The following SPA17 variants were observed in gnomAD, a reference collection of about 807,000 sequenced individuals.
The protein encoded by SPA17 is sperm autoantigenic protein 17.
A neutral mutation model predicts 13.8 loss-of-function variants in SPA17; 7 were observed. The ratio of observed to expected loss-of-function variants is 0.51; its 90% CI spans 0.29 to 0.95. The LOEUF (loss-of-function observed/expected upper bound fraction) is 0.95. Ranked by LOEUF, SPA17 falls within the 40% of genes least tolerant of loss-of-function variation. The pLI is 0.08. For missense variants in SPA17, 170 were observed against 179.3 expected (o/e 0.95, Z 0.30); for synonymous variants, 61 against 59.0 (o/e 1.03, Z -0.16).
At chr11:124,691,818 C>T in intron 4 of SPA17, 36 bp downstream of exon 4, 1 of 1,419,004 alleles carries the variant, frequency 7.0e-7, no homozygotes, top group Admixed American at 1.9e-5. Context: ...TGGATTCCTA[C>T]AAAGAATGAT....
intron 3 of SPA17, among the ~76,000 whole-genome samples, chr11:124,685,229 G>C (rs931393297): frequency 1.1e-4 from 17 of 152,266 alleles, no homozygotes; most frequent in African/African-American, 4.1e-4. Context: ...ATGGTGACCT[G>C]TGTCCCAGCT....
chr11:124,674,085 G>T, intron 1 of SPA17, 133 bp downstream of exon 1: 1 of 253,512 alleles, frequency 3.9e-6, no homozygotes, highest in Non-Finnish European at 7.7e-6. Flanking sequence ...CCCATTCTGC[G>T]CGAGTCTGAA....
chr11:124,686,760 A>G (rs1210172209), intron 3 of SPA17, among the ~76,000 whole-genome samples: 1 of 152,238 alleles, frequency 6.6e-6, no homozygotes, highest in Non-Finnish European at 1.5e-5. Context: ...TGAAAACTGG[A>G]AACACAACAT....
intron 4 of SPA17, among the ~76,000 whole-genome samples, chr11:124,693,112 A>G (rs1283400428): frequency 1.3e-5 from 2 of 152,162 alleles, no homozygotes; most frequent in African/African-American, 2.4e-5. Flanking sequence ...GTGCTTTTAC[A>G]CAGGTTTTCA....
At chr11:124,675,090 G>A in intron 1 of SPA17, 148 bp from the exon 2 acceptor site, 1 of 698,732 alleles carries the variant, frequency 1.4e-6, no homozygotes, top group Non-Finnish European at 2.2e-6. Flanking sequence ...AAAACTCTTT[G>A]GAAGAAATGG....
chr11:124,686,947 A>G (rs539964473), intron 3 of SPA17, among the ~76,000 whole-genome samples: 3 of 152,268 alleles, frequency 2.0e-5, no homozygotes, highest in Non-Finnish European at 4.4e-5. Flanking sequence ...TCAGAGCAAA[A>G]CTAAATTAAA....
chr11:124,682,379 G>A (rs946184491), intron 3 of SPA17, among the ~76,000 whole-genome samples: 1 of 152,028 alleles, frequency 6.6e-6, no homozygotes, highest in Non-Finnish European at 1.5e-5. Flanking sequence ...TCCACTAATA[G>A]ATCATAACCA....
chr11:124,687,107 A>C (rs984491291), intron 3 of SPA17, among the ~76,000 whole-genome samples: 1 of 152,190 alleles, frequency 6.6e-6, no homozygotes, highest in Non-Finnish European at 1.5e-5. Flanking sequence ...AAGACGTTAC[A>C]ACTGATAGCA....
At chr11:124,680,941 C>T (rs978426132) in intron 2 of SPA17, among the ~76,000 whole-genome samples, 3 of 151,864 alleles carry the variant, frequency 2.0e-5, no homozygotes, top group African/African-American at 7.3e-5. Flanking sequence ...AATACCTCTG[C>T]TTGTCTGTGT....
chr11:124,691,742 A>G lies in SPA17; in HGVS notation c.272A>G (p.Gln91Arg). 1 of 1,612,500 alleles carries G rather than the reference A, an allele frequency of 6.2e-7. No homozygotes were observed. Among genetic ancestry groups the G allele is most frequent in the Non-Finnish European group, 8.5e-7 (1 of 1,179,382 alleles). ...AGTGATCCTAAACAAGAAGAGTCTC[A>G]GATATCTGGGAAGGAGGAAGAGACA... ...EKSDPKQEES[Q>R]ISGKEEETSV... The change falls in exon 4 of 5, where the codon CAG becomes CGG. Residue 91 changes from glutamine (Q) to arginine (R), a missense_variant. By Grantham distance (43) the Gln-to-Arg change is conservative. Transcript: ENST00000227135.
intron 2 of SPA17, among the ~76,000 whole-genome samples, chr11:124,681,077 T>A (rs1329292968): frequency 6.6e-6 from 1 of 152,138 alleles, no homozygotes; most frequent in South Asian, 2.1e-4. Flanking sequence ...GTTCTAAGTG[T>A]CTACATTTAT....
intron 3 of SPA17, among the ~76,000 whole-genome samples, chr11:124,690,007 G>A (rs964661804): frequency 2.0e-5 from 3 of 152,256 alleles, no homozygotes; most frequent in East Asian, 1.9e-4. Context: ...CTTATACACT[G>A]TTGTCAGGAA....
chr11:124,682,773 C>T (rs949722011), intron 3 of SPA17, among the ~76,000 whole-genome samples: 2 of 151,872 alleles, frequency 1.3e-5, no homozygotes, highest in Non-Finnish European at 2.9e-5. Flanking sequence ...TATTGGTATC[C>T]GCAAGGACAA....
intron 3 of SPA17, among the ~76,000 whole-genome samples, chr11:124,683,005 G>C (rs1231946677): frequency 6.6e-6 from 1 of 152,050 alleles, no homozygotes; most frequent in Non-Finnish European, 1.5e-5. Context: ...CATCAACTGT[G>C]AGGGAAACCC....
chr11:124,674,022 T>G, intron 1 of SPA17, 70 bp downstream of exon 1: 1 of 362,254 alleles, frequency 2.8e-6, no homozygotes, highest in Non-Finnish European at 5.1e-6. Context: ...TCTTATTCTC[T>G]CAGCATCCCA....
chr11:124,678,704 C>T (rs567126394), intron 2 of SPA17, among the ~76,000 whole-genome samples: 1 of 152,090 alleles, frequency 6.6e-6, no homozygotes, highest in African/African-American at 2.4e-5. Flanking sequence ...TGCACAAACA[C>T]GCTGGGCTAA....
chr11:124,683,808 C>G (rs1024922995), intron 3 of SPA17, among the ~76,000 whole-genome samples: 1 of 152,112 alleles, frequency 6.6e-6, no homozygotes, highest in African/African-American at 2.4e-5. Context: ...ACACACCCAG[C>G]ACTGGAGCAA....
intron 3 of SPA17, among the ~76,000 whole-genome samples, chr11:124,688,761 G>A (rs1943598057): frequency 6.6e-6 from 1 of 152,130 alleles, no homozygotes; most frequent in East Asian, 1.9e-4. Context: ...CCAAAAAAGA[G>A]TCCAAATAGC....
At chr11:124,684,380 G>T (rs2134413218) in intron 3 of SPA17, among the ~76,000 whole-genome samples, 1 of 152,130 alleles carries the variant, frequency 6.6e-6, no homozygotes, top group Non-Finnish European at 1.5e-5. Context: ...TCCTGCCTCA[G>T]CCTCCCGAGT....
Sources: gnomAD v4.1 joint callset for allele counts (sites outside exome capture counted in the v4.1 genomes callset) on GRCh38, gnomAD v4.1.1 for gene constraint, MANE v1.5 for transcripts, NCBI Gene and HGNC (gene_info 2026-07-23, HGNC 2026-07-21) for gene names.